Variants in RTKN2 observed in about 807,000 individuals in gnomAD.
RTKN2 encodes rhotekin 2.
RTKN2 carries 69 observed loss-of-function variants against 71.5 expected under a neutral mutation model. That is an observed-to-expected ratio of 0.96 (90% CI 0.79 to 1.18). The LOEUF is 1.18. RTKN2 is among the 50% of genes most tolerant of loss of function. The pLI is 0.00. For missense variants in RTKN2, 724 were observed against 719.7 expected, an observed-to-expected ratio of 1.01 and a Z score of -0.07; for synonymous variants, 236 against 236.5, an observed-to-expected ratio of 1.00 and a Z score of 0.02.
intron 4 of RTKN2, 31 bp downstream of exon 4, chr10:62,241,111 C>A: frequency 1.6e-6 from 2 of 1,289,702 alleles, no homozygotes; most frequent in South Asian, 1.3e-5. Context: ...CTAAAGAAAA[C>A]ATTTCAATTA....
intron 4 of RTKN2, 41 bp downstream of exon 4, chr10:62,241,101 C>T (rs1409902951): frequency 8.7e-7 from 1 of 1,150,010 alleles, no homozygotes; most frequent in Non-Finnish European, 1.3e-6. Flanking sequence ...ACACTACATA[C>T]TAAAGAAAAC....
chr10:62,193,598 G>C lies in RTKN2; in HGVS notation c.*4310C>G, dbSNP rs1328884532. ...TAAAATGCTGAAATAATCCAACTGA[G>C]CCAGGATTGCTCATTTCTCTCCCCC... is the stretch of plus-strand genomic sequence containing the variant. On this transcript the variant is annotated 3_prime_UTR_variant, in exon 12 of 12. Coordinates refer to ENST00000373789, the MANE Select transcript of RTKN2 (RefSeq NM_145307.4). 1.0e-6 allele frequency: 1 copy of C among 984,860 alleles called. No homozygotes were observed. Among genetic ancestry groups the C allele is most frequent in the Non-Finnish European group, 1.2e-6 (1 of 829,624 alleles). 61.0% of individuals were successfully genotyped at this position (984,860 alleles called of 1,614,324 possible).
chr10:62,199,799 G>T lies in RTKN2; in HGVS notation c.1249C>A (p.Pro417Thr). 2 of 1,613,678 alleles carry T rather than the reference G, an allele frequency of 1.2e-6. No individual in the cohort carries two copies. Among genetic ancestry groups the T allele is most frequent in the Non-Finnish European group, 8.5e-7 (1 of 1,179,732 alleles). The change falls in exon 11 of 12, where the codon CCT (proline) becomes ACT (threonine). Residue 417 changes from proline (P) to threonine (T), a missense_variant. By Grantham distance (38) the Pro-to-Thr change is conservative. Transcript: ENST00000373789. ...KIEIMSPRKP[P>T]LFLTKEATSV... ...GTTGCCTCTTTTGTCAAGAACAAAGGTGGTTTCCGTGGTGACATAATCTCA... is the reference window on the plus strand; with the variant it reads ...GTTGCCTCTTTTGTCAAGAACAAAGTTGGTTTCCGTGGTGACATAATCTCA...
chr10:62,188,076 T>C (rs1182451307), intron 8 of RTKN2, among the ~76,000 whole-genome samples: 1 of 152,216 alleles, frequency 6.6e-6, no homozygotes, highest in Non-Finnish European at 1.5e-5. Flanking sequence ...TCAATTACAA[T>C]GGAAACAACC....
intron 7 of RTKN2, among the ~76,000 whole-genome samples, chr10:62,220,515 A>G (rs1194065389): frequency 1.3e-5 from 2 of 152,228 alleles, no homozygotes; most frequent in Non-Finnish European, 2.9e-5. Context: ...TGAATAGCTT[A>G]TGTTCTAAAA....
chr10:62,195,781 G>A lies in RTKN2; in HGVS notation c.*2127C>T, dbSNP rs1449942007. 4.1e-6 allele frequency: 4 copies of A among 985,096 alleles called. No homozygotes were observed. The highest frequency in any genetic ancestry group is 4.8e-6 in the Non-Finnish European group (4 of 829,920). The allele number at this position is 985,096 out of a possible 1,614,324, so 61.0% of individuals were successfully genotyped here. A position where few individuals can be genotyped will look rare whatever the true frequency, so the allele number is the denominator to read the frequency against. On this transcript the variant is annotated 3_prime_UTR_variant, in exon 12 of 12. Transcript: ENST00000373789. ...AGACTTGTAACATACAGTAAGCTGG[G>A]CCCCCCAGAAAGAGACCGAATAATT...
chr10:62,252,292 A>G lies in RTKN2; in HGVS notation c.258-6235T>C, dbSNP rs79930661. On this transcript the variant is annotated intron_variant, in intron 2 of 11. Coordinates refer to ENST00000373789, the MANE Select transcript of RTKN2 (RefSeq NM_145307.4). ...TTTCTTAATAACAATACAATGGAGC[A>G]AAGTCTTCACAAAACTCAAGGAAAG... Among the ~76,000 whole-genome samples the G allele has an allele frequency of 5.0e-3, 767 of 152,238 alleles. 2 individuals are homozygous for G. Among genetic ancestry groups the G allele is most frequent in the African/African-American group, 0.017 (691 of 41,572 alleles).
At chr10:62,242,449 G>A (rs1382785327) in intron 3 of RTKN2, among the ~76,000 whole-genome samples, 1 of 151,872 alleles carries the variant, frequency 6.6e-6, no homozygotes, top group Non-Finnish European at 1.5e-5. Flanking sequence ...AGGTTTTCTT[G>A]TAAAGGGTAT....
chr10:62,260,471 T>C (rs1040475440), intron 2 of RTKN2, among the ~76,000 whole-genome samples: 44 of 152,286 alleles, frequency 2.9e-4, no homozygotes, highest in African/African-American at 1.1e-3. Context: ...CTATACAAGA[T>C]TTTTTTAAAT....
intron 1 of RTKN2, among the ~76,000 whole-genome samples, chr10:62,263,028 A>C (rs1345761191): frequency 6.6e-6 from 1 of 152,234 alleles, no homozygotes; most frequent in East Asian, 1.9e-4. Flanking sequence ...AATCTAAAGA[A>C]ACGGAATAAA....
chr10:62,226,787 G>A (rs553583005), intron 6 of RTKN2, among the ~76,000 whole-genome samples: 10 of 152,264 alleles, frequency 6.6e-5, no homozygotes, highest in African/African-American at 2.2e-4. Flanking sequence ...AAGTATTAAA[G>A]AAAACTGTGG....
At chr10:62,201,574 G>GA (rs1355110236) in intron 10 of RTKN2, among the ~76,000 whole-genome samples, 4 of 151,682 alleles carry the variant, frequency 2.6e-5, no homozygotes, top group Non-Finnish European at 4.4e-5. Flanking sequence ...TTAGGGGCAG[G>GA]AAAAAAACCC....
intron 5 of RTKN2, 103 bp from the exon 6 acceptor site, chr10:62,236,366 T>A (rs571880978): frequency 1.3e-6 from 1 of 780,334 alleles, no homozygotes; most frequent in South Asian, 1.9e-5. Context: ...GCATTTAACA[T>A]CAGGAAAATG....
intron 6 of RTKN2, among the ~76,000 whole-genome samples, chr10:62,227,595 TA>T (rs1435378248): frequency 6.6e-6 from 1 of 152,116 alleles, no homozygotes; most frequent in East Asian, 1.9e-4. Flanking sequence ...TGGGGCACGG[TA>T]AGGAACACTG....
At position 62,239,696 on chromosome 10, in the gene RTKN2, T is replaced by A. The variant is rs1463309995; in HGVS notation, c.440A>T (p.Asn147Ile). Residue 147 changes from asparagine (N) to isoleucine (I), a missense_variant, in exon 5 of 12, where the codon AAT (asparagine) becomes ATT (isoleucine). Coordinates refer to ENST00000373789, the MANE Select transcript of RTKN2 (RefSeq NM_145307.4). ...TATATCTGTGATTGTTTTATCCACA[T>A]TCACCACATCAGTATCAAACACATT... Reference protein sequence around the residue: ...GANVFDTDVVNVDKTITDICF... With the variant: ...GANVFDTDVVIVDKTITDICF... 1 of 1,581,006 alleles carries A rather than the reference T, an allele frequency of 6.3e-7. No homozygotes were observed. Among genetic ancestry groups the A allele is most frequent in the Non-Finnish European group, 8.6e-7 (1 of 1,159,640 alleles).
intron 10 of RTKN2, among the ~76,000 whole-genome samples, chr10:62,204,086 T>C (rs1379123474): frequency 6.6e-6 from 1 of 152,198 alleles, no homozygotes; most frequent in Non-Finnish European, 1.5e-5. Flanking sequence ...CTCAACTTTC[T>C]ATGGAATAGG....
chr10:62,233,176 T>C (rs897111058), intron 6 of RTKN2, among the ~76,000 whole-genome samples: 2 of 152,150 alleles, frequency 1.3e-5, no homozygotes, highest in Admixed American at 6.5e-5. Flanking sequence ...TATAGTGTAG[T>C]TGGATAAAAG....
chr10:62,231,663 A>AT (rs1049854111), intron 6 of RTKN2, among the ~76,000 whole-genome samples: 2 of 151,974 alleles, frequency 1.3e-5, no homozygotes, highest in Non-Finnish European at 2.9e-5. Context: ...TTGTTACAAC[A>AT]TTTTTTTGGA....
chr10:62,259,753 T>A (rs114892322), intron 2 of RTKN2, among the ~76,000 whole-genome samples: 3 of 152,106 alleles, frequency 2.0e-5, no homozygotes, highest in African/African-American at 2.4e-5. Context: ...GTTTTTGCCA[T>A]GTTGCCTAAG....
Sources: allele counts gnomAD v4.1 joint callset (sites outside exome capture counted in the v4.1 genomes callset), GRCh38; gene constraint gnomAD v4.1.1; transcripts MANE v1.5; gene names NCBI Gene and HGNC (gene_info 2026-07-23, HGNC 2026-07-21).